DMXL1: variants seen among roughly 807,000 people sequenced by gnomAD.
DMXL1 encodes dmX-like protein 1.
In DMXL1, 99 loss-of-function variants were observed where a neutral mutation model predicts 319.2. The observed-to-expected ratio is 0.31, with a 90% CI of 0.26 to 0.37. The LOEUF (loss-of-function observed/expected upper bound fraction) is 0.37. Ranked by LOEUF, DMXL1 falls within the 10% of genes least tolerant of loss-of-function variation. DMXL1 has a pLI of 1.00. For synonymous variants in DMXL1, 1,385 were observed against 1,235.2 expected (o/e 1.12, Z -2.54); for missense variants, 3,745 against 3,595.6 (o/e 1.04, Z -1.06).
rs985092548 is a variant in DMXL1, at chr5:119,088,253, G to A, written c.88-9726G>A. Among the ~76,000 whole-genome samples, 83 of 152,194 alleles carry A rather than the reference G, an allele frequency of 5.5e-4. 3 individuals are homozygous for A. The highest frequency in any genetic ancestry group is 7.3e-5 in the Non-Finnish European group (5 of 68,038). ...TGATTTGTAGCGTATTTTATCTGAT[G>A]TAAGTATAGCTAGTCAAGCTATTTT... On this transcript the variant is annotated intron_variant, in intron 1 of 43. Coordinates refer to ENST00000539542, the MANE Select transcript of DMXL1 (RefSeq NM_001290321.3).
At chr5:119,116,400 T>C in intron 7 of DMXL1, 64 bp downstream of exon 7, 1 of 1,528,820 alleles carries the variant, frequency 6.5e-7, no homozygotes, top group South Asian at 1.2e-5. Context: ...CTTTGATTGC[T>C]TCTCTCACTT....
At position 119,121,156 on chromosome 5, in the gene DMXL1, C is replaced by A; in HGVS notation, c.1102+17C>A. The A allele has an allele frequency of 6.4e-7, 1 of 1,562,950 alleles. No individual in the cohort carries two copies. Among genetic ancestry groups the A allele is most frequent in the Non-Finnish European group, 8.6e-7 (1 of 1,157,892 alleles). Reference sequence around the variant, plus strand: ...CAGCCACAGGTAATGAAACATTGTTCAAAACATGTTTCTGAAATTGAATAG... The same window carrying A: ...CAGCCACAGGTAATGAAACATTGTTAAAAACATGTTTCTGAAATTGAATAG... On this transcript the variant is annotated intron_variant, in intron 9 of 43. Coordinates refer to ENST00000539542, the MANE Select transcript of DMXL1 (RefSeq NM_001290321.3).
intron 34 of DMXL1, among the ~76,000 whole-genome samples, chr5:119,213,688 C>G (rs941774984): frequency 1.3e-5 from 2 of 152,110 alleles, no homozygotes; most frequent in African/African-American, 2.4e-5. Flanking sequence ...GTGATCCTTT[C>G]CCCGTGGACT....
rs770508955 is a variant in DMXL1, at chr5:119,237,311, C to G, written c.8467-11C>G. Reference sequence around the variant, plus strand: ...TATATTAAATACTTTTAAATATTTTCTTTCTCTAAGTTTGGAATAGTTGAT... The same window carrying G: ...TATATTAAATACTTTTAAATATTTTGTTTCTCTAAGTTTGGAATAGTTGAT... On this transcript the variant is annotated splice_polypyrimidine_tract_variant and intron_variant, in intron 39 of 43. Transcript: ENST00000539542. 3 of 1,491,168 alleles carry G rather than the reference C, an allele frequency of 2.0e-6. No homozygotes were observed. The highest frequency in any genetic ancestry group is 2.3e-5 in the East Asian group (1 of 43,878). 92.4% of individuals were successfully genotyped at this position (1,491,168 alleles called of 1,614,324 possible).
intron 3 of DMXL1, among the ~76,000 whole-genome samples, chr5:119,102,656 A>G (rs1757511164): frequency 6.6e-6 from 1 of 152,180 alleles, no homozygotes; most frequent in Non-Finnish European, 1.5e-5. Context: ...TTAGCCAGGC[A>G]TGGTGGCACA....
In DMXL1 at chr5:119,071,484, G is replaced by C; in HGVS notation, c.-86G>C. The C allele has an allele frequency of 1.5e-6, 2 of 1,350,542 alleles. No homozygotes were observed. The highest frequency in any genetic ancestry group is 2.1e-6 in the Non-Finnish European group (2 of 968,876). The allele number at this position is 1,350,542 out of a possible 1,614,324, so 83.7% of individuals were successfully genotyped here. ...CCGTCGCCACCGAAGAGCGGCCGCC[G>C]CCCCTGAGGGAAGGAGGGAGGGAAG... On this transcript the variant is annotated 5_prime_UTR_variant, in exon 1 of 44. Transcript: ENST00000539542.
intron 30 of DMXL1, among the ~76,000 whole-genome samples, chr5:119,196,062 A>G (rs1259710456): frequency 6.6e-6 from 1 of 152,148 alleles, no homozygotes; most frequent in Non-Finnish European, 1.5e-5. Context: ...ATTACTACAT[A>G]CCGAAACTGA....
At chr5:119,245,252 C>A (rs2150764592) in intron 43 of DMXL1, among the ~76,000 whole-genome samples, 1 of 152,038 alleles carries the variant, frequency 6.6e-6, no homozygotes, top group African/African-American at 2.4e-5. Context: ...TAGACTAATC[C>A]CTATGTTATT....
Position 119,071,314 on chromosome 5 carries a change from C to A in DMXL1, c.-256C>A. 2.0e-6 allele frequency: 1 copy of A among 493,512 alleles called. No individual in the cohort carries two copies. The highest frequency in any genetic ancestry group is 3.6e-6 in the Non-Finnish European group (1 of 278,572). 30.6% of individuals were successfully genotyped at this position (493,512 alleles called of 1,614,324 possible). A position where few individuals can be genotyped will look rare whatever the true frequency, so the allele number is the denominator to read the frequency against. ...GGACCCTGAGCTTCACCTGGGCTAG[C>A]GCGGGGAGTGACAGGTGCGCGAAGG... On this transcript the variant is annotated 5_prime_UTR_variant, in exon 1 of 44. Transcript: ENST00000539542.
chr5:119,134,683 G>A (rs542357896), intron 13 of DMXL1, among the ~76,000 whole-genome samples: 8 of 152,198 alleles, frequency 5.3e-5, no homozygotes, highest in East Asian at 3.9e-4. Context: ...AAGTTATATC[G>A]GCCCCCCTGC....
intron 4 of DMXL1, among the ~76,000 whole-genome samples, chr5:119,106,140 G>C (rs1339544819): frequency 6.6e-6 from 1 of 152,132 alleles, no homozygotes; most frequent in African/African-American, 2.4e-5. Context: ...TCTGGGCCTT[G>C]CTGCTTGCTA....
intron 9 of DMXL1, among the ~76,000 whole-genome samples, chr5:119,123,391 AGAGGAGGGG>A (rs1307475649): frequency 0.012 from 468 of 37,948 alleles, 5 homozygotes; most frequent in Non-Finnish European, 0.013. Context: ...GAGAGGAGGG[AGAGGAGGGG>A]GAGGGAGAGG....
intron 9 of DMXL1, among the ~76,000 whole-genome samples, chr5:119,125,710 GC>G (rs921994543): frequency 2.0e-5 from 3 of 151,770 alleles, no homozygotes. Context: ...GACTACAGAC[GC>G]CCGCCACCAC....
chr5:119,184,952 G>A (rs952577892), intron 28 of DMXL1, among the ~76,000 whole-genome samples: 9 of 152,028 alleles, frequency 5.9e-5, no homozygotes, highest in Admixed American at 2.6e-4. Flanking sequence ...ACTACTCTAG[G>A]GCAGTGACTT....
intron 9 of DMXL1, among the ~76,000 whole-genome samples, chr5:119,126,413 C>G (rs892762732): frequency 6.6e-6 from 1 of 152,112 alleles, no homozygotes; most frequent in African/African-American, 2.4e-5. Flanking sequence ...CTTGCAGCAT[C>G]CTTTTATTTT....
At chr5:119,111,962 C>G (rs1759709118) in intron 5 of DMXL1, among the ~76,000 whole-genome samples, 1 of 151,472 alleles carries the variant, frequency 6.6e-6, no homozygotes, top group African/African-American at 2.4e-5. Context: ...TTGATATTAT[C>G]TTTATTTTTT....
chr5:119,091,043 A>T (rs920316322), intron 1 of DMXL1, among the ~76,000 whole-genome samples: 1 of 151,962 alleles, frequency 6.6e-6, no homozygotes, highest in African/African-American at 2.4e-5. Context: ...ACTTTTTCTG[A>T]TAAATTTCTG....
chr5:119,216,938 G>A lies in DMXL1; in HGVS notation c.7964G>A (p.Arg2655Lys). The A allele has an allele frequency of 6.2e-7, 1 of 1,601,566 alleles. No homozygotes were observed. Among genetic ancestry groups the A allele is most frequent in the East Asian group, 2.3e-5 (1 of 44,228 alleles). Reference protein sequence around the residue: ...ADLGYPGGKARIIHKESDIIT... With the variant: ...ADLGYPGGKAKIIHKESDIIT... Reference sequence around the variant, plus strand: ...TTGGGATATCCTGGAGGTAAAGCAAGAATTATTCATAAGGAATCTGATATC... The same window carrying A: ...TTGGGATATCCTGGAGGTAAAGCAAAAATTATTCATAAGGAATCTGATATC... The change falls in exon 35 of 44, where the codon AGA becomes AAA. Residue 2655 changes from arginine to lysine, a missense_variant. Physicochemically the swap from Arg to Lys is conservative, Grantham distance 26. Around this residue, in one of 4 missense-constraint regions of DMXL1, gnomAD observed 1,382 missense variants for 1,269.5 expected, o/e 1.09. Coordinates refer to ENST00000539542, the MANE Select transcript of DMXL1 (RefSeq NM_001290321.3).
chr5:119,219,400 C>T (rs534062277), intron 35 of DMXL1, among the ~76,000 whole-genome samples: 1 of 152,164 alleles, frequency 6.6e-6, no homozygotes, highest in East Asian at 1.9e-4. Context: ...GGAGAATAAC[C>T]ACCCAATAAT....
Sources: allele counts gnomAD v4.1 joint callset (sites outside exome capture counted in the v4.1 genomes callset), GRCh38; gene constraint gnomAD v4.1.1; regional missense constraint gnomAD v4.1.1; transcripts MANE v1.5; gene names NCBI Gene and HGNC (gene_info 2026-07-23, HGNC 2026-07-21).